Variants in RNH1 observed in about 807,000 individuals in gnomAD.
The protein encoded by RNH1 is ribonuclease inhibitor.
Under a neutral mutation model 46.1 loss-of-function variants are expected in RNH1, and 38 were observed. The ratio of observed to expected loss-of-function variants is 0.82; its 90% CI spans 0.64 to 1.08. The LOEUF (loss-of-function observed/expected upper bound fraction) is 1.08. RNH1 is among the 50% of genes least tolerant of loss of function. RNH1 has a pLI of 0.00. For synonymous variants in RNH1, 319 were observed against 279.1 expected (o/e 1.14, Z -1.43); for missense variants, 577 against 590.7 (o/e 0.98, Z 0.24).
chr11:498,377 C>A, intron 8 of RNH1, 80 bp downstream of exon 8: 1 of 1,536,862 alleles, frequency 6.5e-7, no homozygotes, highest in Non-Finnish European at 8.8e-7. Context: ...TCCCTGGAGT[C>A]GCTCACTCCT....
chr11:499,387 C>T, intron 5 of RNH1: 1 of 671,354 alleles, frequency 1.5e-6, no homozygotes, highest in South Asian at 1.7e-5. Flanking sequence ...AAACCCCTCA[C>T]CCCCTCCCGG....
rs1848930205 is a variant in RNH1, at chr11:495,043, A to C, written c.1138T>G (p.Cys380Gly). ...SVLRVLWLAD[C>G]DVSDSSCSSL... ...CTGCAGCTGCTGTCACTCACATCGC[A>C]GTCGGCCAACCTGGGTGAAGCAGGG... is the stretch of plus-strand genomic sequence containing the variant. The change falls in exon 10 of 11, where the codon TGC (cysteine) becomes GGC (glycine). Residue 380 changes from cysteine (C) to glycine (G), a missense_variant. By Grantham distance (159) the Cys-to-Gly change is radical (BLOSUM62 -3). Transcript: ENST00000354420. 1 of 1,604,738 alleles carries C rather than the reference A, an allele frequency of 6.2e-7. No homozygotes were observed. The highest frequency in any genetic ancestry group is 1.1e-5 in the South Asian group (1 of 89,738).
chr11:496,038 C>A (rs1372647325), intron 9 of RNH1, among the ~76,000 whole-genome samples: 4 of 150,258 alleles, frequency 2.7e-5, no homozygotes, highest in Non-Finnish European at 6.0e-5. Context: ...TAGAGGGTCA[C>A]TCCACAAGAC....
At chr11:506,344 TC>T (rs1370138057) in intron 1 of RNH1, 1 of 152,122 alleles carries the variant, frequency 6.6e-6, no homozygotes, top group African/African-American at 2.4e-5. Context: ...TCCTCTGGTT[TC>T]CCCCAAGGCG....
At chr11:495,296 G>A (rs1483716754) in intron 9 of RNH1, among the ~76,000 whole-genome samples, 3 of 152,218 alleles carry the variant, frequency 2.0e-5, no homozygotes, top group Non-Finnish European at 4.4e-5. Flanking sequence ...TCTGCAGGGA[G>A]GAGAAAGGAC....
chr11:500,940 C>T (rs1414062635), intron 3 of RNH1: 1 of 491,834 alleles, frequency 2.0e-6, no homozygotes, highest in African/African-American at 2.0e-5. Context: ...ACCAACCTGA[C>T]CAACATGGAG....
At chr11:499,244 C>T in intron 5 of RNH1, 59 bp from the exon 6 acceptor site, 1 of 1,579,000 alleles carries the variant, frequency 6.3e-7, no homozygotes, top group Admixed American at 1.7e-5. Flanking sequence ...GGGTGTGATA[C>T]CAGGGAGCAC....
chr11:502,396 C>T lies in RNH1; in HGVS notation c.-87-147G>A, dbSNP rs1849829417. 5.2e-6 allele frequency: 3 copies of T among 575,652 alleles called. No homozygotes were observed. The allele number at this position is 575,652 out of a possible 1,614,324, so 35.7% of individuals were successfully genotyped here. ...GGGGGCAGGGACCAGCACCCACCCC[C>T]AGAAAGGCCACCATGGGCAGCAGAG... is the stretch of plus-strand genomic sequence containing the variant. On this transcript the variant is annotated intron_variant, in intron 2 of 10. Coordinates refer to ENST00000354420, the MANE Select transcript of RNH1 (RefSeq NM_203387.3). This position sits in a 1 kb window ranked among gnomAD's most constrained non-coding sequence, Gnocchi z 5.8.
chr11:496,767 C>T (rs570653084), intron 9 of RNH1, among the ~76,000 whole-genome samples: 1 of 152,356 alleles, frequency 6.6e-6, no homozygotes, highest in African/African-American at 2.4e-5. Flanking sequence ...CCAAAAATTA[C>T]CTCCTGCAAA....
Position 498,501 on chromosome 11 carries a change from C to T in RNH1, c.912G>A (p.Leu304=). 2 of 1,613,376 alleles carry T rather than the reference C, an allele frequency of 1.2e-6. No homozygotes were observed. Among genetic ancestry groups the T allele is most frequent in the Non-Finnish European group, 1.7e-6 (2 of 1,180,024 alleles). ...AGCCAGGTTCCAGCAGGGTCTCACA[C>T]AGCAGTCGGGCACCCTCATCCCCCA... is the stretch of plus-strand genomic sequence containing the variant. ...NELGDEGARL[L]CETLLEPGCQ... is the part of the protein sequence containing the mutation. The change falls in exon 8 of 11, where the codon CTG becomes CTA. Residue 304 remains leucine (L), a synonymous_variant. Transcript: ENST00000354420.
chr11:497,245 ACT>A (rs1565018370), intron 9 of RNH1, among the ~76,000 whole-genome samples: 1 of 135,140 alleles, frequency 7.4e-6, no homozygotes, highest in Non-Finnish European at 1.5e-5. Context: ...ACACACGGAC[ACT>A]CATGCTCACT....
chr11:495,047 G>C lies in RNH1; in HGVS notation c.1134C>G (p.Ala378=), dbSNP rs377733892. 11 of 1,603,890 alleles carry C rather than the reference G, an allele frequency of 6.9e-6. No homozygotes were observed. The South Asian group carries it at 1.1e-4, about 16-fold the overall frequency. ...PGSVLRVLWL[A]DCDVSDSSCS... ...AGCTGCTGTCACTCACATCGCAGTC[G>C]GCCAACCTGGGTGAAGCAGGGCGGG... Residue 378 remains alanine (A), a synonymous_variant, in exon 10 of 11, where the codon GCC becomes GCG. Coordinates refer to ENST00000354420, the MANE Select transcript of RNH1 (RefSeq NM_203387.3).
chr11:499,053 C>G lies in RNH1; in HGVS notation c.576G>C (p.Gln192His). The change falls in exon 6 of 11, where the codon CAG (glutamine) becomes CAC (histidine). Residue 192 changes from glutamine (Q) to histidine (H), a missense_variant. By Grantham distance (24) the Gln-to-His change is conservative (BLOSUM62 0). Coordinates refer to ENST00000354420, the MANE Select transcript of RNH1 (RefSeq NM_203387.3). Reference sequence around the variant, plus strand: ...GCTGGCAGGGGGAGTCCTTCAGGCCCTGGCACAGCACACGGACGCCAGCCT... The same window carrying G: ...GCTGGCAGGGGGAGTCCTTCAGGCCGTGGCACAGCACACGGACGCCAGCCT... ...INEAGVRVLCQGLKDSPCQLE... is the reference protein window; with the variant it reads ...INEAGVRVLCHGLKDSPCQLE... 6.2e-7 allele frequency: 1 copy of G among 1,613,358 alleles called. No homozygotes were observed. The highest frequency in any genetic ancestry group is 8.5e-7 in the Non-Finnish European group (1 of 1,179,958).
chr11:495,927 G>C (rs546810538), intron 9 of RNH1, among the ~76,000 whole-genome samples: 1 of 152,284 alleles, frequency 6.6e-6, no homozygotes, highest in African/African-American at 2.4e-5. Context: ...GCAAACAAAA[G>C]ACAAAACACT....
Position 500,615 on chromosome 11 carries a change from G to A in RNH1, c.141C>T (p.Asp47=), listed in dbSNP as rs1438370168. 2 of 1,609,108 alleles carry A rather than the reference G, an allele frequency of 1.2e-6. No homozygotes were observed. Among genetic ancestry groups the A allele is most frequent in the African/African-American group, 1.3e-5 (1 of 75,072 alleles). The change falls in exon 4 of 11, where the codon GAC becomes GAT. Residue 47 remains aspartate (D), a synonymous_variant. Coordinates refer to ENST00000354420, the MANE Select transcript of RNH1 (RefSeq NM_203387.3). The stretch of plus-strand genomic sequence containing the variant: ...GGTTGACTCGAAGTGCAGAGCTGAT[G>A]TCCTTGCACCGTGCTTCCGTGAGGC... ...DCGLTEARCK[D]ISSALRVNPA... is the part of the protein sequence containing the mutation.
chr11:497,671 A>C lies in RNH1; in HGVS notation c.1127+300T>G, dbSNP rs1401516878. 4.6e-5 allele frequency among the ~76,000 whole-genome samples: 5 copies of C among 109,312 alleles called. No individual in the cohort carries two copies. In the East Asian group the frequency reaches 1.5e-3, roughly 32 times the overall value. 71.7% of individuals were successfully genotyped at this position (109,312 alleles called of 152,430 possible). On this transcript the variant is annotated intron_variant, in intron 9 of 10. Transcript: ENST00000354420. ...TGCTCTCACCCATGTGCTCACACAC[A>C]CGTGCTCACCCATGTGCTCACACAC...
intron 10 of RNH1, 47 bp from the exon 11 acceptor site, chr11:494,825 C>G (rs754665801): frequency 1.2e-6 from 2 of 1,612,602 alleles, no homozygotes; most frequent in Admixed American, 3.3e-5. Context: ...CCTCCCCCAC[C>G]CCCGCCTTCC....
intron 8 of RNH1, 32 bp downstream of exon 8, chr11:498,425 C>T (rs1380528916): frequency 2.5e-6 from 4 of 1,606,172 alleles, no homozygotes; most frequent in African/African-American, 1.3e-5. Context: ...CTCTCTTGGG[C>T]GACAGGGCCC....
In RNH1 at chr11:498,710, G is replaced by A; in HGVS notation, c.785+53C>T. On this transcript the variant is annotated intron_variant, in intron 7 of 10. Coordinates refer to ENST00000354420, the MANE Select transcript of RNH1 (RefSeq NM_203387.3). ...GCCCAGGGGCGGGGGAGAGCTCTGAGGACGGCCCGCCGCCCGACCCTCCGG... is the reference window on the plus strand; with the variant it reads ...GCCCAGGGGCGGGGGAGAGCTCTGAAGACGGCCCGCCGCCCGACCCTCCGG... 5 of 1,592,012 alleles carry A rather than the reference G, an allele frequency of 3.1e-6. No individual in the cohort carries two copies. In the South Asian group the frequency reaches 5.5e-5, roughly 18 times the overall value.
Sources: gnomAD v4.1 joint callset for allele counts (sites outside exome capture counted in the v4.1 genomes callset) on GRCh38, gnomAD v4.1.1 for gene constraint, Gnocchi (gnomAD v3.1) non-coding constraint, MANE v1.5 for transcripts, NCBI Gene and HGNC (gene_info 2026-07-23, HGNC 2026-07-21) for gene names.